Variants in NELL1 observed in about 807,000 individuals in gnomAD.
The protein encoded by NELL1 is protein kinase C-binding protein NELL1.
A neutral mutation model predicts 107.4 loss-of-function variants in NELL1; 76 were observed. That is an observed-to-expected ratio of 0.71 (90% CI 0.59 to 0.86). NELL1 has a LOEUF of 0.86. Ranked by LOEUF, NELL1 falls within the 40% of genes least tolerant of loss-of-function variation. The pLI, the probability that NELL1 is intolerant of heterozygous loss-of-function variation, is 0.00. For missense variants in NELL1, 1,024 were observed against 1,005.5 expected, an observed-to-expected ratio of 1.02 and a Z score of -0.25; for synonymous variants, 353 against 341.2, an observed-to-expected ratio of 1.03 and a Z score of -0.38.
At chr11:21,357,321 G>GT (rs1277106407) in intron 14 of NELL1, among the ~76,000 whole-genome samples, 2 of 151,984 alleles carry the variant, frequency 1.3e-5, no homozygotes, top group African/African-American at 2.4e-5. Flanking sequence ...CATCTTTATT[G>GT]TTTTTTTACT....
chr11:20,845,847 C>T (rs1312672864), intron 3 of NELL1, among the ~76,000 whole-genome samples: 2 of 152,022 alleles, frequency 1.3e-5, no homozygotes, highest in Non-Finnish European at 2.9e-5. Context: ...TCACAAAGCA[C>T]CTTCAGACAT....
At chr11:21,224,298 A>C (rs1857836566) in intron 13 of NELL1, among the ~76,000 whole-genome samples, 2 of 152,014 alleles carry the variant, frequency 1.3e-5, no homozygotes, top group African/African-American at 4.8e-5. Context: ...GCTGGAGTGC[A>C]GTGGCATGAA....
chr11:20,753,012 C>A (rs72942787), intron 2 of NELL1, among the ~76,000 whole-genome samples: 5 of 151,996 alleles, frequency 3.3e-5, no homozygotes, highest in South Asian at 2.1e-4. Context: ...TTTTTCCTTC[C>A]GGAAGAATGG....
At chr11:21,047,870 C>T (rs1389818845) in intron 12 of NELL1, among the ~76,000 whole-genome samples, 1 of 152,150 alleles carries the variant, frequency 6.6e-6, no homozygotes, top group African/African-American at 2.4e-5. Context: ...CGAATGGACA[C>T]TGCTCCCCAG....
At chr11:21,219,100 C>T (rs1239073128) in intron 13 of NELL1, among the ~76,000 whole-genome samples, 3 of 152,104 alleles carry the variant, frequency 2.0e-5, no homozygotes, top group Non-Finnish European at 2.9e-5. Context: ...ATTCCACCAA[C>T]ATTGTATGAG....
At chr11:20,826,571 C>T (rs1857889073) in intron 3 of NELL1, among the ~76,000 whole-genome samples, 1 of 151,256 alleles carries the variant, frequency 6.6e-6, no homozygotes, top group African/African-American at 2.4e-5. Context: ...GATTTTCACT[C>T]ACAGGGTCCT....
intron 13 of NELL1, among the ~76,000 whole-genome samples, chr11:21,156,444 A>T (rs1856236644): frequency 6.6e-6 from 1 of 152,132 alleles, no homozygotes; most frequent in Non-Finnish European, 1.5e-5. Flanking sequence ...AGTGGAGCTC[A>T]TCTAGGCTAA....
Position 21,096,148 on chromosome 11 carries a change from C to T in NELL1, c.1301-17441C>T, listed in dbSNP as rs77358508. On this transcript the variant is annotated intron_variant, in intron 12 of 19. Transcript: ENST00000357134. ...AGTTGCCTTTGCCCACTACCCAGAT[C>T]ACCAGGCCTTTTTATGACTTACCCT... Among the ~76,000 whole-genome samples, 1,653 of 152,286 alleles carry T rather than the reference C, an allele frequency of 0.011. 56 individuals are homozygous for T. In the South Asian group the frequency reaches 0.12, roughly 11 times the overall value.
intron 2 of NELL1, among the ~76,000 whole-genome samples, chr11:20,705,289 A>C (rs1210549792): frequency 7.2e-5 from 11 of 152,168 alleles, no homozygotes; most frequent in Admixed American, 7.2e-4. Flanking sequence ...AGTAACCAAA[A>C]CAGCATGGTA....
chr11:20,747,660 A>C (rs1278189115), intron 2 of NELL1, among the ~76,000 whole-genome samples: 3 of 152,178 alleles, frequency 2.0e-5, no homozygotes, highest in Non-Finnish European at 2.9e-5. Context: ...TCAATCTTGG[A>C]AATTAAATTT....
intron 3 of NELL1, among the ~76,000 whole-genome samples, chr11:20,796,727 G>T (rs1857175949): frequency 6.6e-6 from 1 of 152,178 alleles, no homozygotes; most frequent in Admixed American, 6.5e-5. Context: ...TGTGGTCATA[G>T]ATGCTGGGCT....
intron 2 of NELL1, among the ~76,000 whole-genome samples, chr11:20,702,744 C>T (rs1048544069): frequency 6.6e-6 from 1 of 152,130 alleles, no homozygotes; most frequent in Admixed American, 6.6e-5. Flanking sequence ...TGACAAAGGC[C>T]TTTTCTGCAT....
At chr11:21,542,222 G>A (rs896660495) in intron 16 of NELL1, among the ~76,000 whole-genome samples, 1 of 152,060 alleles carries the variant, frequency 6.6e-6, no homozygotes, top group African/African-American at 2.4e-5. Flanking sequence ...GCTCGAGGAC[G>A]AAGAGAACTT....
At chr11:21,168,634 G>A (rs1413352411) in intron 13 of NELL1, among the ~76,000 whole-genome samples, 2 of 151,816 alleles carry the variant, frequency 1.3e-5, no homozygotes, top group East Asian at 3.9e-4. Context: ...CATTGGGCGA[G>A]ACCTTCCCTG....
chr11:20,691,180 T>G (rs1344540639), intron 2 of NELL1, among the ~76,000 whole-genome samples: 1 of 152,146 alleles, frequency 6.6e-6, no homozygotes, highest in Non-Finnish European at 1.5e-5. Flanking sequence ...AAGGAGATTT[T>G]GGGCTGAGAC....
chr11:21,005,577 T>C (rs559781808), intron 12 of NELL1, among the ~76,000 whole-genome samples: 1 of 152,302 alleles, frequency 6.6e-6, no homozygotes, highest in African/African-American at 2.4e-5. Context: ...AGCATGTATT[T>C]CCAATCTCTT....
chr11:20,981,205 G>C (rs1052649255), intron 12 of NELL1, among the ~76,000 whole-genome samples: 31 of 152,188 alleles, frequency 2.0e-4, no homozygotes, highest in African/African-American at 7.5e-4. Flanking sequence ...GGAGAAAAAA[G>C]GATGCCAGAC....
chr11:21,501,134 T>C (rs1337083057), intron 15 of NELL1, among the ~76,000 whole-genome samples: 1 of 152,142 alleles, frequency 6.6e-6, no homozygotes, highest in African/African-American at 2.4e-5. Flanking sequence ...AATCTACAGG[T>C]CTTTAAATGT....
At chr11:21,377,853 C>A (rs1851516318) in intron 15 of NELL1, among the ~76,000 whole-genome samples, 1 of 151,922 alleles carries the variant, frequency 6.6e-6, no homozygotes, top group Admixed American at 6.6e-5. Context: ...CTGTGCGGAT[C>A]TTTTGTATTT....
Sources: gnomAD v4.1 joint callset for allele counts (sites outside exome capture counted in the v4.1 genomes callset) on GRCh38, gnomAD v4.1.1 for gene constraint, MANE v1.5 for transcripts, NCBI Gene and HGNC (gene_info 2026-07-23, HGNC 2026-07-21) for gene names.